ZNF804B: variants seen among roughly 807,000 people sequenced by gnomAD.
The protein encoded by ZNF804B is zinc finger 804B.
Under a neutral mutation model 101.4 loss-of-function variants are expected in ZNF804B, and 80 were observed. That is an observed-to-expected ratio of 0.79 (90% CI 0.66 to 0.95). The LOEUF (loss-of-function observed/expected upper bound fraction) is 0.95. Ranked by LOEUF, ZNF804B falls within the 40% of genes least tolerant of loss-of-function variation. The pLI, the probability that ZNF804B is intolerant of heterozygous loss-of-function variation, is 0.00. For synonymous variants in ZNF804B, 622 were observed against 558.8 expected (o/e 1.11, Z -1.59); for missense variants, 1,673 against 1,561.9 (o/e 1.07, Z -1.20).
intron 1 of ZNF804B, among the ~76,000 whole-genome samples, chr7:89,193,382 T>C (rs998320862): frequency 6.6e-6 from 1 of 151,636 alleles, no homozygotes; most frequent in Non-Finnish European, 1.5e-5. Context: ...TACACATGTA[T>C]ACATGTGCCA....
In ZNF804B at chr7:88,899,941, C is replaced by A. The variant is rs756126986; in HGVS notation, c.108+139857C>A. Among the ~76,000 whole-genome samples the A allele has an allele frequency of 1.8e-4, 27 of 152,012 alleles. 1 individual carries two copies. Among genetic ancestry groups the A allele is most frequent in the Admixed American group, 1.6e-3 (25 of 15,260 alleles). On this transcript the variant is annotated intron_variant, in intron 1 of 3. Coordinates refer to ENST00000333190, the MANE Select transcript of ZNF804B (RefSeq NM_181646.5). ...TGGATTTCATATGTAGGTTAAAATG[C>A]GTTCAGGATGAAACACTGAGTTTTA...
intron 2 of ZNF804B, among the ~76,000 whole-genome samples, chr7:89,231,609 A>G (rs547069142): frequency 6.6e-6 from 1 of 151,972 alleles, no homozygotes; most frequent in South Asian, 2.1e-4. Flanking sequence ...AATTGCCTTT[A>G]ATTTATTGCA....
chr7:88,764,879 T>C (rs1455819853), intron 1 of ZNF804B, among the ~76,000 whole-genome samples: 17 of 152,152 alleles, frequency 1.1e-4, no homozygotes. Context: ...ACCTTTCATG[T>C]TGGAATTTTC....
intron 1 of ZNF804B, among the ~76,000 whole-genome samples, chr7:89,129,111 C>A (rs1445055082): frequency 6.6e-6 from 1 of 151,898 alleles, no homozygotes. Flanking sequence ...AGTTTGATAA[C>A]CTGTAAGTTG....
chr7:88,871,513 A>AAAATATATACT (rs1791822605), intron 1 of ZNF804B, among the ~76,000 whole-genome samples: 1 of 152,198 alleles, frequency 6.6e-6, no homozygotes, highest in Non-Finnish European at 1.5e-5. Flanking sequence ...TATATAGCTG[A>AAAATATATACT]AAATATATAC....
At chr7:89,222,455 A>T (rs1273863782) in intron 2 of ZNF804B, among the ~76,000 whole-genome samples, 1 of 151,958 alleles carries the variant, frequency 6.6e-6, no homozygotes, top group African/African-American at 2.4e-5. Context: ...TCCCATTTAT[A>T]TGATCACTCT....
chr7:88,851,570 T>C (rs73200659), intron 1 of ZNF804B, among the ~76,000 whole-genome samples: 9,568 of 152,016 alleles, frequency 0.063, 433 homozygotes, highest in South Asian at 0.16. Flanking sequence ...GATTTTTTTT[T>C]CCAGACAAAG....
chr7:88,945,074 G>A (rs1053431831), intron 1 of ZNF804B, among the ~76,000 whole-genome samples: 21 of 151,864 alleles, frequency 1.4e-4, no homozygotes, highest in Non-Finnish European at 2.9e-4. Context: ...CTTTTCCTTT[G>A]TGGAAGCTCT....
At chr7:89,194,208 T>C (rs1453976038) in intron 1 of ZNF804B, among the ~76,000 whole-genome samples, 1 of 152,200 alleles carries the variant, frequency 6.6e-6, no homozygotes, top group African/African-American at 2.4e-5. Context: ...AGATTCTGGA[T>C]ATTAGCCCTT....
intron 1 of ZNF804B, among the ~76,000 whole-genome samples, chr7:88,950,537 A>T (rs1421428652): frequency 1.3e-5 from 2 of 151,906 alleles, no homozygotes; most frequent in Non-Finnish European, 2.9e-5. Context: ...TCTGTAGAAC[A>T]TATAAGACTT....
intron 1 of ZNF804B, among the ~76,000 whole-genome samples, chr7:88,930,983 T>G (rs755198945): frequency 2.1e-4 from 32 of 151,852 alleles, no homozygotes; most frequent in Non-Finnish European, 3.7e-4. Flanking sequence ...AGCCTTCTCT[T>G]TTTGGTCAGT....
At chr7:89,115,507 G>A (rs906847372) in intron 1 of ZNF804B, among the ~76,000 whole-genome samples, 1 of 152,186 alleles carries the variant, frequency 6.6e-6, no homozygotes, top group African/African-American at 2.4e-5. Flanking sequence ...GGGTCATACA[G>A]TGGAGAAGAG....
chr7:88,956,306 T>C (rs544208177), intron 1 of ZNF804B, among the ~76,000 whole-genome samples: 20 of 151,726 alleles, frequency 1.3e-4, no homozygotes, highest in African/African-American at 4.8e-4. Flanking sequence ...GCACCACTAT[T>C]AACAATTGCC....
intron 1 of ZNF804B, among the ~76,000 whole-genome samples, chr7:88,773,869 C>G (rs893566394): frequency 6.6e-6 from 1 of 152,032 alleles, no homozygotes; most frequent in South Asian, 2.1e-4. Flanking sequence ...ATCATGAGGA[C>G]AGCACAAAGC....
chr7:89,337,726 T>G lies in ZNF804B; in HGVS notation c.*694T>G, dbSNP rs1397138478. On this transcript the variant is annotated 3_prime_UTR_variant, in exon 4 of 4. Coordinates refer to ENST00000333190, the MANE Select transcript of ZNF804B (RefSeq NM_181646.5). ...AATCAGCAAAATCTAAAACTAAGAA[T>G]GTTTAACTTTTGTATAAAAACATAT... is the stretch of plus-strand genomic sequence containing the variant. Among the ~76,000 whole-genome samples the G allele has an allele frequency of 1.3e-5, 2 of 152,138 alleles. No individual in the cohort carries two copies. The highest frequency in any genetic ancestry group is 2.9e-5 in the Non-Finnish European group (2 of 67,980).
intron 1 of ZNF804B, among the ~76,000 whole-genome samples, chr7:88,994,989 T>G (rs763847993): frequency 6.6e-6 from 1 of 152,048 alleles, no homozygotes; most frequent in Non-Finnish European, 1.5e-5. Flanking sequence ...TGGGCTAGAT[T>G]GTTTGATTTT....
Position 88,934,986 on chromosome 7 carries a change from T to C in ZNF804B, c.108+174902T>C, listed in dbSNP as rs1792944852. Among the ~76,000 whole-genome samples, 4 of 151,620 alleles carry C rather than the reference T, an allele frequency of 2.6e-5. No individual in the cohort carries two copies. The Middle Eastern group carries it at 0.01, about 387-fold the overall frequency. On this transcript the variant is annotated intron_variant, in intron 1 of 3. Coordinates refer to ENST00000333190, the MANE Select transcript of ZNF804B (RefSeq NM_181646.5). Reference sequence around the variant, plus strand: ...GACATGGAACCAAGCTAAGTACCCATCAAACAGAGTGGGTAAAGAAAAGGT... The same window carrying C: ...GACATGGAACCAAGCTAAGTACCCACCAAACAGAGTGGGTAAAGAAAAGGT...
chr7:89,327,021 T>G (rs377297444), intron 2 of ZNF804B, among the ~76,000 whole-genome samples: 51 of 152,112 alleles, frequency 3.4e-4, no homozygotes, highest in African/African-American at 1.2e-3. Flanking sequence ...TCATACTCAT[T>G]CATATATTGC....
intron 1 of ZNF804B, among the ~76,000 whole-genome samples, chr7:89,078,075 G>T (rs13238453): frequency 0.44 from 67,526 of 151,864 alleles, 15,785 homozygotes; most frequent in Non-Finnish European, 0.52. Flanking sequence ...GAGTTAAGAA[G>T]ACATAATTTT....
Sources: gnomAD v4.1 joint callset for allele counts (sites outside exome capture counted in the v4.1 genomes callset) on GRCh38, gnomAD v4.1.1 for gene constraint, MANE v1.5 for transcripts, NCBI Gene and HGNC (gene_info 2026-07-23, HGNC 2026-07-21) for gene names.